Variants in NXPE4 observed in about 807,000 individuals in gnomAD.
NXPE4 encodes NXPE family member 4.
NXPE4 carries 42 observed loss-of-function variants against 33.3 expected under a neutral mutation model. The observed-to-expected ratio is 1.26, with a 90% CI of 0.98 to 1.63. The LOEUF is 1.63. Among genes scored for constraint, NXPE4 ranks in the 40% most tolerant of loss-of-function variants. NXPE4 has a pLI of 0.00. For missense variants in NXPE4, 709 were observed against 647.6 expected, an observed-to-expected ratio of 1.09 and a Z score of -1.03; for synonymous variants, 253 against 234.9, an observed-to-expected ratio of 1.08 and a Z score of -0.71.
rs566166344 is a variant in NXPE4, at chr11:114,582,977, G to T, written c.141C>A (p.Asn47Lys). Residue 47 changes from asparagine to lysine, a missense_variant, in exon 3 of 6, where the codon AAC (asparagine) becomes AAA (lysine). Transcript: ENST00000375478. ...TAGGGAATAAGGACTTTGTGGAGTTGTTCCAGTAATGGAGGGAGATGGATA... is the reference window on the plus strand; with the variant it reads ...TAGGGAATAAGGACTTTGTGGAGTTTTTCCAGTAATGGAGGGAGATGGATA... Reference protein sequence around the residue: ...LNLSISLHYWNNSTKSLFPKT... With the variant: ...LNLSISLHYWKNSTKSLFPKT... The T allele has an allele frequency of 6.2e-7, 1 of 1,613,924 alleles. No individual in the cohort carries two copies. The highest frequency in any genetic ancestry group is 8.5e-7 in the Non-Finnish European group (1 of 1,179,968).
chr11:114,583,968 C>G, intron 2 of NXPE4: 1 of 377,540 alleles, frequency 2.6e-6, no homozygotes. Context: ...TCCTATGAGG[C>G]CATTTTCAAA....
chr11:114,598,995 T>TG (rs1949609467), upstream of NXPE4, among the ~76,000 whole-genome samples: 1 of 152,242 alleles, frequency 6.6e-6, no homozygotes, highest in Non-Finnish European at 1.5e-5. Flanking sequence ...TTTTACCATA[T>TG]GGCCAGGCTG....
chr11:114,579,594 C>A (rs1030003790), intron 5 of NXPE4, among the ~76,000 whole-genome samples: 3 of 152,118 alleles, frequency 2.0e-5, no homozygotes, highest in Non-Finnish European at 2.9e-5. Flanking sequence ...TACCTTACAC[C>A]AAAGAGAAGT....
chr11:114,636,133 A>G, the NXPE4 span, among the ~76,000 whole-genome samples: 2 of 151,788 alleles, frequency 1.3e-5, no homozygotes, highest in African/African-American at 4.8e-5. Context: ...TATTGCCACA[A>G]TTTCAGAGCC....
At chr11:114,607,494 G>T in the NXPE4 span, among the ~76,000 whole-genome samples, 101,565 of 151,320 alleles carry the variant, frequency 0.67, 34,364 homozygotes, top group African/African-American at 0.75. Context: ...CACCATTACC[G>T]GCTGGATACT....
At chr11:114,609,319 A>C in the NXPE4 span, among the ~76,000 whole-genome samples, 4 of 151,596 alleles carry the variant, frequency 2.6e-5, no homozygotes, top group African/African-American at 9.7e-5. Flanking sequence ...CTCGTGGGTA[A>C]CCACGGTTAC....
At chr11:114,647,299 G>A in the NXPE4 span, among the ~76,000 whole-genome samples, 6 of 152,086 alleles carry the variant, frequency 3.9e-5, no homozygotes, top group East Asian at 1.2e-3. Flanking sequence ...TTATTGTACT[G>A]TGCTTATGAG....
the NXPE4 span, among the ~76,000 whole-genome samples, chr11:114,619,803 C>T: frequency 1.3e-5 from 2 of 151,944 alleles, no homozygotes; most frequent in African/African-American, 4.8e-5. Flanking sequence ...CGTGAGTAAC[C>T]ACTGTTACCC....
the NXPE4 span, among the ~76,000 whole-genome samples, chr11:114,638,790 A>T: frequency 2.0e-5 from 3 of 151,798 alleles, no homozygotes; most frequent in East Asian, 1.9e-4. Context: ...ATTTTCGTGA[A>T]CCGTGAATGC....
chr11:114,581,303 A>C (rs1344359486), intron 4 of NXPE4, among the ~76,000 whole-genome samples: 1 of 152,096 alleles, frequency 6.6e-6, no homozygotes, highest in East Asian at 1.9e-4. Context: ...ATCAAGAGGG[A>C]GGGGTTATAA....
At chr11:114,639,971 TATATA>T in the NXPE4 span, among the ~76,000 whole-genome samples, 18,387 of 109,754 alleles carry the variant, frequency 0.17, 2,024 homozygotes, top group South Asian at 0.23. Flanking sequence ...AAATATATTA[TATATA>T]ATATAATATA....
the NXPE4 span, among the ~76,000 whole-genome samples, chr11:114,647,226 A>G: frequency 6.6e-6 from 1 of 152,210 alleles, no homozygotes; most frequent in African/African-American, 2.4e-5. Context: ...GATTTGGGTA[A>G]GTAATGTCTC....
chr11:114,581,695 G>T, intron 4 of NXPE4, 30 bp downstream of exon 4: 4 of 1,567,542 alleles, frequency 2.6e-6, no homozygotes, highest in Non-Finnish European at 3.5e-6. Context: ...CTAGAACTAG[G>T]CACCACCCAC....
At chr11:114,619,578 G>A in the NXPE4 span, among the ~76,000 whole-genome samples, 1 of 149,870 alleles carries the variant, frequency 6.7e-6, no homozygotes, top group Non-Finnish European at 1.5e-5. Flanking sequence ...TGGATAATGT[G>A]TTGCCTCGTG....
At chr11:114,629,003 CA>C in the NXPE4 span, among the ~76,000 whole-genome samples, 3 of 152,034 alleles carry the variant, frequency 2.0e-5, no homozygotes, top group Admixed American at 2.0e-4. Flanking sequence ...AGACCAATAA[CA>C]GGCTCTGAAA....
chr11:114,612,132 T>C, the NXPE4 span, among the ~76,000 whole-genome samples: 1 of 151,910 alleles, frequency 6.6e-6, no homozygotes, highest in East Asian at 1.9e-4. Context: ...ATAATAATTG[T>C]TGCCTCGTGG....
At chr11:114,663,609 C>CTATCTA in the NXPE4 span, among the ~76,000 whole-genome samples, 1 of 98,314 alleles carries the variant, frequency 1.0e-5, no homozygotes, top group Non-Finnish European at 2.2e-5. Context: ...ATCTATCTAT[C>CTATCTA]TATCTATCTA....
At chr11:114,575,580 C>T (rs11501088) in intron 5 of NXPE4, among the ~76,000 whole-genome samples, 27,318 of 151,766 alleles carry the variant, frequency 0.18, 2,916 homozygotes, top group African/African-American at 0.28. Flanking sequence ...AAGAGCTCAA[C>T]TCCTTTCACA....
intron 2 of NXPE4, among the ~76,000 whole-genome samples, chr11:114,592,949 G>A (rs1485903746): frequency 6.6e-6 from 1 of 152,050 alleles, no homozygotes; most frequent in Non-Finnish European, 1.5e-5. Context: ...AAAATAGATG[G>A]TGCTGGAGAA....
Sources: gnomAD v4.1 joint callset for allele counts (sites outside exome capture counted in the v4.1 genomes callset) on GRCh38, gnomAD v4.1.1 for gene constraint, MANE v1.5 for transcripts, NCBI Gene and HGNC (gene_info 2026-07-23, HGNC 2026-07-21) for gene names.